JAK1: variants seen among roughly 807,000 people sequenced by gnomAD.
JAK1 encodes tyrosine-protein kinase JAK1.
JAK1 carries 16 observed loss-of-function variants against 136.6 expected under a neutral mutation model. That is an observed-to-expected ratio of 0.12 (90% CI 0.08 to 0.18). The LOEUF (loss-of-function observed/expected upper bound fraction) is 0.18. Ranked by LOEUF, JAK1 falls within the 10% of genes least tolerant of loss-of-function variation. JAK1 has a pLI of 1.00. For synonymous variants in JAK1, 492 were observed against 519.5 expected (o/e 0.95, Z 0.72); for missense variants, 859 against 1,450.1 (o/e 0.59, Z 6.62).
At chr1:64,878,559 G>GTGTA (rs1423436910) in intron 4 of JAK1, among the ~76,000 whole-genome samples, 14 of 79,256 alleles carry the variant, frequency 1.8e-4, no homozygotes, top group South Asian at 9.8e-4. Flanking sequence ...TATATATAGT[G>GTGTA]TGTATATATA....
chr1:64,883,568 A>T, intron 2 of JAK1, 93 bp from the exon 3 acceptor site: 1 of 1,090,276 alleles, frequency 9.2e-7, no homozygotes, highest in Non-Finnish European at 1.4e-6. Context: ...AAAAGCAGAA[A>T]CATTTGGTGT....
intron 1 of JAK1, among the ~76,000 whole-genome samples, chr1:64,926,005 T>C (rs764242265): frequency 1.3e-5 from 2 of 152,138 alleles, no homozygotes; most frequent in Admixed American, 6.6e-5. Context: ...ACAGATAGCA[T>C]ATCAAATAAA....
intron 2 of JAK1, among the ~76,000 whole-genome samples, chr1:65,027,392 G>A (rs896187182): frequency 6.6e-5 from 10 of 151,952 alleles, no homozygotes; most frequent in South Asian, 2.1e-4. Flanking sequence ...CATCACTGCC[G>A]ACTGCCCTCC....
chr1:64,988,195 C>A (rs757391351), intron 2 of JAK1, among the ~76,000 whole-genome samples: 5 of 152,172 alleles, frequency 3.3e-5, no homozygotes, highest in Non-Finnish European at 5.9e-5. Context: ...GGTTTTCAGT[C>A]CCATCCCTTC....
intron 2 of JAK1, among the ~76,000 whole-genome samples, chr1:65,017,252 T>C (rs1646898834): frequency 6.6e-6 from 1 of 152,142 alleles, no homozygotes; most frequent in Admixed American, 6.5e-5. Context: ...GTGAACCACC[T>C]GAGCTCAGGA....
chr1:64,881,533 A>G (rs924357816), intron 3 of JAK1, among the ~76,000 whole-genome samples: 4 of 152,158 alleles, frequency 2.6e-5, no homozygotes, highest in Non-Finnish European at 5.9e-5. Context: ...GCCCTCAAAC[A>G]TCACTTTCTG....
At chr1:64,988,237 C>T (rs1646618738) in intron 2 of JAK1, among the ~76,000 whole-genome samples, 1 of 152,148 alleles carries the variant, frequency 6.6e-6, no homozygotes, top group Non-Finnish European at 1.5e-5. Flanking sequence ...TTACTGCACA[C>T]TACTGATTTT....
intron 2 of JAK1, among the ~76,000 whole-genome samples, chr1:65,023,228 A>C (rs549253232): frequency 1.3e-5 from 2 of 151,788 alleles, no homozygotes; most frequent in South Asian, 4.2e-4. Context: ...TCAGCCTCCC[A>C]AGTATCTGGA....
chr1:64,902,583 A>AGAGAGAGAGAGAGT, intron 1 of JAK1, among the ~76,000 whole-genome samples: 24 of 73,786 alleles, frequency 3.3e-4, no homozygotes, highest in Middle Eastern at 0.01. Context: ...AGAGAGAGAG[A>AGAGAGAGAGAGAGT]GTGTGTGTGT....
At position 65,000,622 on chromosome 1, in the gene JAK1, G is replaced by A. The variant is rs555783283; in HGVS notation, c.-78+43858C>T. 5.9e-5 allele frequency among the ~76,000 whole-genome samples: 9 copies of A among 152,196 alleles called. No homozygotes were observed. The South Asian group carries it at 1.7e-3, about 28-fold the overall frequency. On this transcript the variant is annotated intron_variant, in intron 2 of 25. Coordinates refer to the JAK1 transcript ENST00000671954. The stretch of plus-strand genomic sequence containing the variant: ...GTTAAATAAATGTACAATGGAATAC[G>A]AAGTAGTGATTTAAAAACACGTATG...
chr1:64,938,922 A>G (rs1213897361), intron 1 of JAK1, among the ~76,000 whole-genome samples: 1 of 152,198 alleles, frequency 6.6e-6, no homozygotes, highest in Non-Finnish European at 1.5e-5. Flanking sequence ...ATTAATAGTT[A>G]ATAATTAAAA....
At position 64,980,921 on chromosome 1, in the gene JAK1, T is replaced by A. The variant is rs571182379; in HGVS notation, c.-78+63559A>T. The stretch of plus-strand genomic sequence containing the variant: ...ACATGAACTCATCATTTTTTATGGC[T>A]GCATAGTATTCCATGGTGTATATGT... On this transcript the variant is annotated intron_variant, in intron 2 of 25. Transcript: ENST00000671954. Among the ~76,000 whole-genome samples, 423 of 152,352 alleles carry A rather than the reference T, an allele frequency of 2.8e-3. 1 individual carries two copies. The highest frequency in any genetic ancestry group is 5.1e-3 in the Non-Finnish European group (347 of 68,030).
upstream of JAK1, among the ~76,000 whole-genome samples, chr1:64,968,826 G>A (rs1646423540): frequency 3.3e-5 from 5 of 151,948 alleles, no homozygotes; most frequent in South Asian, 1.0e-3. Context: ...CAGCTACTTG[G>A]GAGACTGAGG....
At chr1:65,003,110 A>T (rs1215566677) in intron 2 of JAK1, among the ~76,000 whole-genome samples, 1 of 146,144 alleles carries the variant, frequency 6.8e-6, no homozygotes, top group African/African-American at 2.5e-5. Flanking sequence ...GCCCCATTGC[A>T]CAATTCTTAC....
chr1:64,918,783 C>T (rs1281596902), intron 1 of JAK1: 1 of 155,574 alleles, frequency 6.4e-6, no homozygotes, highest in Non-Finnish European at 1.4e-5. Flanking sequence ...CCTTTAGATA[C>T]ATGAAATCAT....
At chr1:64,882,947 A>G (rs1261251725) in intron 3 of JAK1, among the ~76,000 whole-genome samples, 1 of 152,192 alleles carries the variant, frequency 6.6e-6, no homozygotes, top group Non-Finnish European at 1.5e-5. Flanking sequence ...TCTAGTGCTG[A>G]TATTATTCCA....
chr1:64,865,043 G>T, intron 7 of JAK1, 71 bp from the exon 8 acceptor site: 1 of 1,280,126 alleles, frequency 7.8e-7, no homozygotes, highest in Non-Finnish European at 1.1e-6. Flanking sequence ...GGTCAGTGCT[G>T]CTGGGAAACC....
intron 2 of JAK1, among the ~76,000 whole-genome samples, chr1:65,032,504 A>AAAC (rs148163509): frequency 2.6e-5 from 4 of 151,884 alleles, no homozygotes; most frequent in East Asian, 1.9e-4. Flanking sequence ...AATATATGCA[A>AAAC]AACAACAACA....
intron 3 of JAK1, 65 bp downstream of exon 3, chr1:64,883,212 C>A (rs1644801929): frequency 1.5e-6 from 2 of 1,348,560 alleles, no homozygotes; most frequent in African/African-American, 1.5e-5. Context: ...GGGGCAGAGA[C>A]CCCCAGATCT....
Sources: gnomAD v4.1 joint callset for allele counts (sites outside exome capture counted in the v4.1 genomes callset) on GRCh38, gnomAD v4.1.1 for gene constraint, MANE v1.5 for transcripts, NCBI Gene and HGNC (gene_info 2026-07-23, HGNC 2026-07-21) for gene names.